Variants in IPO11 observed in about 807,000 individuals in gnomAD.
IPO11 encodes importin 11.
IPO11 carries 66 observed loss-of-function variants against 143.2 expected under a neutral mutation model. The observed-to-expected ratio is 0.46, with a 90% CI of 0.38 to 0.57. The LOEUF (loss-of-function observed/expected upper bound fraction) is 0.57. IPO11 is among the 20% of genes least tolerant of loss of function. The pLI, the probability that IPO11 is intolerant of heterozygous loss-of-function variation, is 0.00. For missense variants in IPO11, 1,026 were observed against 1,141.0 expected, an observed-to-expected ratio of 0.90 and a Z score of 1.45; for synonymous variants, 385 against 377.8, an observed-to-expected ratio of 1.02 and a Z score of -0.22.
At chr5:62,612,024 G>A (rs1415820927) in intron 29 of IPO11, among the ~76,000 whole-genome samples, 1 of 152,026 alleles carries the variant, frequency 6.6e-6, no homozygotes, top group East Asian at 1.9e-4. Flanking sequence ...TGAATGATAT[G>A]TTGTGAAATA....
At chr5:62,454,004 A>G (rs1217075636) in intron 5 of IPO11, among the ~76,000 whole-genome samples, 3 of 151,992 alleles carry the variant, frequency 2.0e-5, no homozygotes, top group African/African-American at 7.3e-5. Flanking sequence ...GCGTGGTGGC[A>G]CGCGCCTGTA....
intron 27 of IPO11, among the ~76,000 whole-genome samples, chr5:62,569,892 A>T (rs1744077385): frequency 6.6e-6 from 1 of 152,184 alleles, no homozygotes; most frequent in South Asian, 2.1e-4. Flanking sequence ...AATCTAATGC[A>T]ATTTGTAGTA....
At chr5:62,581,349 C>T (rs1326406495) in intron 27 of IPO11, 2 of 1,414,076 alleles carry the variant, frequency 1.4e-6, no homozygotes, top group East Asian at 2.6e-5. Flanking sequence ...GTGCCATGGA[C>T]ATGATTTAAA....
At chr5:62,602,037 C>G (rs1745525318) in intron 29 of IPO11, among the ~76,000 whole-genome samples, 189 bp downstream of exon 29, 1 of 152,148 alleles carries the variant, frequency 6.6e-6, no homozygotes, top group African/African-American at 2.4e-5. Flanking sequence ...TTGAGGTTAA[C>G]TTTTCATCTG....
intron 1 of IPO11, among the ~76,000 whole-genome samples, chr5:62,421,785 T>A (rs1002462617): frequency 1.3e-5 from 2 of 152,244 alleles, no homozygotes; most frequent in Non-Finnish European, 2.9e-5. Context: ...AACTGTGGGA[T>A]TATTACTTGG....
chr5:62,475,065 A>C (rs1745906012), intron 8 of IPO11, among the ~76,000 whole-genome samples: 1 of 152,106 alleles, frequency 6.6e-6, no homozygotes, highest in African/African-American at 2.4e-5. Context: ...AGCAAAACTA[A>C]GAGGGGACTA....
chr5:62,580,337 A>G (rs1744502912), intron 27 of IPO11: 1 of 1,541,128 alleles, frequency 6.5e-7, no homozygotes, highest in South Asian at 1.2e-5. Context: ...AGTTTGTTAA[A>G]GAATTTAATT....
At chr5:62,417,233 CT>C (rs933140414) in intron 1 of IPO11, among the ~76,000 whole-genome samples, 7 of 149,638 alleles carry the variant, frequency 4.7e-5, no homozygotes, top group Admixed American at 2.7e-4. Context: ...GCTGGTACTA[CT>C]TGTGTGTGCC....
chr5:62,470,090 A>C (rs1159656300), intron 6 of IPO11, among the ~76,000 whole-genome samples, 160 bp from the exon 7 acceptor site: 1 of 152,168 alleles, frequency 6.6e-6, no homozygotes, highest in Non-Finnish European at 1.5e-5. Context: ...CTTTAGTTCC[A>C]TTTTTCCCAC....
intron 27 of IPO11, chr5:62,579,751 G>C: frequency 1.3e-6 from 2 of 1,546,004 alleles, no homozygotes; most frequent in Non-Finnish European, 1.7e-6. Context: ...AAAAGCCTTT[G>C]TTCAATTGAG....
chr5:62,476,863 A>G lies in IPO11; in HGVS notation c.828+110A>G. 1.1e-5 allele frequency: 13 copies of G among 1,171,232 alleles called. No individual in the cohort carries two copies. The South Asian group carries it at 2.3e-4, about 21-fold the overall frequency. The allele number at this position is 1,171,232 out of a possible 1,614,324, so 72.6% of individuals were successfully genotyped here. ...TTTTCACTTTAGTGTAAGGAAACCT[A>G]TGTTCTGACTCCTTATAGGAAAGCT... is the stretch of plus-strand genomic sequence containing the variant. On this transcript the variant is annotated intron_variant, in intron 9 of 29. Transcript: ENST00000325324.
intron 29 of IPO11, 132 bp from the exon 30 acceptor site, chr5:62,627,022 G>A: frequency 1.5e-6 from 1 of 686,260 alleles, no homozygotes; most frequent in South Asian, 2.7e-5. Context: ...GATTAGTACA[G>A]AATCTGTGTG....
At chr5:62,466,109 A>G (rs1745565105) in intron 5 of IPO11, among the ~76,000 whole-genome samples, 2 of 152,106 alleles carry the variant, frequency 1.3e-5, no homozygotes, top group East Asian at 3.9e-4. Flanking sequence ...TGGTCTTGTA[A>G]GTTTCTTACA....
intron 1 of IPO11, among the ~76,000 whole-genome samples, chr5:62,417,260 T>C (rs1272478925): frequency 6.6e-6 from 1 of 151,756 alleles, no homozygotes; most frequent in Non-Finnish European, 1.5e-5. Context: ...GCCCAGCTTA[T>C]TTCCTTTAAG....
intron 24 of IPO11, among the ~76,000 whole-genome samples, chr5:62,546,855 G>T (rs1743215982): frequency 6.6e-6 from 1 of 152,096 alleles, no homozygotes; most frequent in Admixed American, 6.6e-5. Flanking sequence ...GTTTTCTTCT[G>T]TTTAAAAAGT....
In IPO11 at chr5:62,451,864, T is replaced by G; in HGVS notation, c.447T>G (p.Leu149=). 9.3e-6 allele frequency: 15 copies of G among 1,614,110 alleles called. No individual in the cohort carries two copies. Among genetic ancestry groups the G allele is most frequent in the Non-Finnish European group, 1.3e-5 (15 of 1,179,948 alleles). Residue 149 remains leucine, a synonymous_variant, in exon 5 of 30, where the codon CTT becomes CTG. Transcript: ENST00000325324. ...ATCTTCGACAGCACAGAGCATTACT[T>G]ACCTTCTATCATGTTACCAAGACAC... ...QDDLRQHRAL[L]TFYHVTKTLA...
At chr5:62,485,245 A>G (rs1002123580) in intron 11 of IPO11, among the ~76,000 whole-genome samples, 174 bp from the exon 12 acceptor site, 6 of 152,218 alleles carry the variant, frequency 3.9e-5, no homozygotes, top group African/African-American at 1.4e-4. Flanking sequence ...GAGATACACA[A>G]CTGTGATCTG....
At chr5:62,555,660 C>T (rs1235230447) in intron 26 of IPO11, among the ~76,000 whole-genome samples, 3 of 150,908 alleles carry the variant, frequency 2.0e-5, no homozygotes, top group African/African-American at 7.4e-5. Flanking sequence ...CCTGCCACCA[C>T]GCTCTGCTAA....
At chr5:62,599,991 T>A (rs370677681) in intron 28 of IPO11, among the ~76,000 whole-genome samples, 10 of 152,192 alleles carry the variant, frequency 6.6e-5, no homozygotes, top group African/African-American at 2.4e-4. Context: ...GTAAAATCTG[T>A]ATATATGTAA....
Sources: gnomAD v4.1 joint callset for allele counts (sites outside exome capture counted in the v4.1 genomes callset) on GRCh38, gnomAD v4.1.1 for gene constraint, MANE v1.5 for transcripts, NCBI Gene and HGNC (gene_info 2026-07-23, HGNC 2026-07-21) for gene names.